ARHGAP26: variants seen among roughly 807,000 people sequenced by gnomAD.
The protein encoded by ARHGAP26 is rho GTPase-activating protein 26.
Under a neutral mutation model 104.8 loss-of-function variants are expected in ARHGAP26, and 38 were observed. That is an observed-to-expected ratio of 0.36 (90% CI 0.28 to 0.48). The LOEUF (loss-of-function observed/expected upper bound fraction) is 0.48, where lower values mean the gene tolerates loss of function less well. Ranked by LOEUF, ARHGAP26 falls within the 20% of genes least tolerant of loss-of-function variation. ARHGAP26 has a pLI of 0.99. For missense variants in ARHGAP26, 704 were observed against 947.9 expected (o/e 0.74, Z 3.38); for synonymous variants, 341 against 340.0 (o/e 1.00, Z -0.03).
At chr5:143,125,138 A>C (rs1268020377) in intron 18 of ARHGAP26, among the ~76,000 whole-genome samples, 3 of 152,214 alleles carry the variant, frequency 2.0e-5, no homozygotes, top group African/African-American at 7.2e-5. Context: ...TGGGTAATTC[A>C]GTTTCTTTAA....
At chr5:143,207,061 C>A in intron 20 of ARHGAP26, 137 bp from the exon 21 acceptor site, 1 of 969,476 alleles carries the variant, frequency 1.0e-6, no homozygotes, top group Non-Finnish European at 1.5e-6. Context: ...TGTGACATGG[C>A]CCTGACAGCA....
chr5:142,922,294 C>T (rs770847898), intron 10 of ARHGAP26, among the ~76,000 whole-genome samples: 91 of 152,056 alleles, frequency 6.0e-4, no homozygotes, highest in Non-Finnish European at 1.0e-4. Context: ...AAAGGATCAT[C>T]TTATGTAACA....
intron 1 of ARHGAP26, among the ~76,000 whole-genome samples, chr5:142,808,031 C>T (rs573104692): frequency 2.0e-5 from 3 of 151,728 alleles, no homozygotes; most frequent in South Asian, 4.2e-4. Context: ...GTCAGGAGAT[C>T]GAAACCATCC....
At chr5:143,075,445 A>ATG (rs1788858699) in intron 17 of ARHGAP26, among the ~76,000 whole-genome samples, 1 of 151,996 alleles carries the variant, frequency 6.6e-6, no homozygotes, top group South Asian at 2.1e-4. Flanking sequence ...TTTTAAAAAA[A>ATG]TGTTTCTCAG....
At chr5:143,036,230 G>T (rs1283461342) in intron 12 of ARHGAP26, among the ~76,000 whole-genome samples, 1 of 152,146 alleles carries the variant, frequency 6.6e-6, no homozygotes, top group Non-Finnish European at 1.5e-5. Context: ...TTAAGTGGTA[G>T]AATGCCTTGT....
intron 1 of ARHGAP26, among the ~76,000 whole-genome samples, chr5:142,815,075 A>C (rs1249368023): frequency 6.6e-6 from 1 of 152,160 alleles, no homozygotes; most frequent in African/African-American, 2.4e-5. Flanking sequence ...ATCTCGGCTC[A>C]CTGCAACCTC....
intron 1 of ARHGAP26, among the ~76,000 whole-genome samples, chr5:142,828,889 C>T (rs920074062): frequency 2.0e-5 from 3 of 152,192 alleles, no homozygotes; most frequent in African/African-American, 7.2e-5. Flanking sequence ...ACCAGGTCCC[C>T]GCCTTCCTCC....
chr5:143,079,061 G>A (rs1789443185), intron 17 of ARHGAP26, among the ~76,000 whole-genome samples: 1 of 152,214 alleles, frequency 6.6e-6, no homozygotes, highest in Non-Finnish European at 1.5e-5. Flanking sequence ...CTTATCATGT[G>A]TTTAACTTTT....
chr5:142,877,701 T>C (rs1756332399), intron 3 of ARHGAP26, among the ~76,000 whole-genome samples: 2 of 152,236 alleles, frequency 1.3e-5, no homozygotes, highest in Non-Finnish European at 2.9e-5. Flanking sequence ...TTCTCAATCA[T>C]GGATGTCCAC....
At position 142,871,810 on chromosome 5, in the gene ARHGAP26, A is replaced by G. The variant is rs1755344490; in HGVS notation, c.155-1590A>G. On this transcript the variant is annotated intron_variant, in intron 1 of 22. Coordinates refer to ENST00000645722, the MANE Select transcript of ARHGAP26 (RefSeq NM_001135608.3). The surrounding 1 kb of genome is among the most constrained non-coding windows in gnomAD (Gnocchi z 4.1). ...GAGTCCCCTGCCAACATCTTTTGAC[A>G]TTTTGGTAAGGACCATTCTGTGAAA... Among the ~76,000 whole-genome samples the G allele has an allele frequency of 6.6e-6, 1 of 152,166 alleles. No homozygotes were observed. Among genetic ancestry groups the G allele is most frequent in the African/African-American group, 2.4e-5 (1 of 41,430 alleles).
At chr5:143,059,279 G>C (rs1352102427) in intron 17 of ARHGAP26, among the ~76,000 whole-genome samples, 1 of 152,204 alleles carries the variant, frequency 6.6e-6, no homozygotes, top group African/African-American at 2.4e-5. Context: ...GAGAGCAGCT[G>C]GAGAAGGGTT....
intron 18 of ARHGAP26, among the ~76,000 whole-genome samples, chr5:143,130,786 A>G (rs113812591): frequency 4.4e-4 from 67 of 152,346 alleles, no homozygotes; most frequent in African/African-American, 1.5e-3. Context: ...AATAAACAAC[A>G]GTCACTTGGG....
intron 6 of ARHGAP26, among the ~76,000 whole-genome samples, chr5:142,900,996 T>C (rs1365137226): frequency 6.6e-6 from 1 of 152,200 alleles, no homozygotes; most frequent in Admixed American, 6.5e-5. Flanking sequence ...GCTTTTATTA[T>C]AATCCTTTCT....
intron 22 of ARHGAP26, among the ~76,000 whole-genome samples, chr5:143,221,390 TGGCTATTCAAA>T (rs1269088969): frequency 8.3e-6 from 1 of 120,210 alleles, no homozygotes; most frequent in Admixed American, 9.7e-5. Flanking sequence ...AACAGAGAAA[TGGCTATTCAAA>T]GGCTATTCAA....
chr5:143,100,148 G>A (rs886225154), intron 17 of ARHGAP26, among the ~76,000 whole-genome samples: 5 of 152,152 alleles, frequency 3.3e-5, no homozygotes, highest in African/African-American at 1.2e-4. Flanking sequence ...AATGGGAAGA[G>A]GTCATATTTG....
intron 12 of ARHGAP26, among the ~76,000 whole-genome samples, chr5:143,028,562 A>T (rs1188809502): frequency 2.0e-5 from 3 of 152,230 alleles, no homozygotes; most frequent in African/African-American, 7.2e-5. Flanking sequence ...TATTGGTAAT[A>T]CTAGGTAATA....
intron 17 of ARHGAP26, among the ~76,000 whole-genome samples, chr5:143,118,943 TAAAAAAA>T (rs11408187): frequency 8.1e-6 from 1 of 123,810 alleles, no homozygotes; most frequent in Admixed American, 8.1e-5. Context: ...AGTATAATAA[TAAAAAAA>T]AAAAAAGAAA....
intron 11 of ARHGAP26, among the ~76,000 whole-genome samples, chr5:142,936,882 G>C (rs1235343073): frequency 9.9e-5 from 15 of 151,224 alleles, no homozygotes; most frequent in Admixed American, 8.5e-4. Flanking sequence ...AATTCAGAAT[G>C]GATGACAGAT....
chr5:143,032,207 G>A (rs149103902), intron 12 of ARHGAP26, among the ~76,000 whole-genome samples: 15 of 152,314 alleles, frequency 9.8e-5, no homozygotes. Flanking sequence ...TTTGGTGCAA[G>A]CTCTGCCAGC....
Sources: allele counts gnomAD v4.1 joint callset (sites outside exome capture counted in the v4.1 genomes callset), GRCh38; gene constraint gnomAD v4.1.1; non-coding constraint Gnocchi (gnomAD v3.1); transcripts MANE v1.5; gene names NCBI Gene and HGNC (gene_info 2026-07-23, HGNC 2026-07-21).